The following KDM4A variants were observed in gnomAD, a reference collection of about 807,000 sequenced individuals.
The protein encoded by KDM4A is lysine demethylase 4A, also known as lysine-specific demethylase 4A.
In KDM4A, 23 loss-of-function variants were observed where a neutral mutation model predicts 127.1. That is an observed-to-expected ratio of 0.18 (90% CI 0.13 to 0.26). KDM4A has a LOEUF of 0.26. Among genes scored for constraint, KDM4A ranks in the 10% least tolerant of loss-of-function variants. The pLI is 1.00. For synonymous variants in KDM4A, 443 were observed against 466.5 expected (o/e 0.95, Z 0.65); for missense variants, 890 against 1,329.1 (o/e 0.67, Z 5.14).
At chr1:43,661,468 C>CG (rs1660375160) in intron 4 of KDM4A, among the ~76,000 whole-genome samples, 1 of 151,036 alleles carries the variant, frequency 6.6e-6, no homozygotes, top group Non-Finnish European at 1.5e-5. Flanking sequence ...AAGTAGCCTG[C>CG]AGTAGCGGGC....
chr1:43,654,359 C>A (rs1165421046), intron 2 of KDM4A, among the ~76,000 whole-genome samples: 3 of 152,230 alleles, frequency 2.0e-5, no homozygotes, highest in African/African-American at 7.2e-5. Flanking sequence ...TCTGCTCATA[C>A]AAACATACAC....
intron 8 of KDM4A, among the ~76,000 whole-genome samples, chr1:43,667,505 G>A (rs975852347): frequency 1.3e-5 from 2 of 152,186 alleles, no homozygotes; most frequent in Non-Finnish European, 2.9e-5. Flanking sequence ...GGGGGCCTAA[G>A]TGCAGAGCCT....
chr1:43,670,646 C>T (rs1570834952), intron 10 of KDM4A, among the ~76,000 whole-genome samples: 1 of 149,990 alleles, frequency 6.7e-6, no homozygotes, highest in Non-Finnish European at 1.5e-5. Context: ...TCACTGCAAC[C>T]TCCGCCTCCC....
intron 19 of KDM4A, among the ~76,000 whole-genome samples, chr1:43,700,330 T>C (rs1661356797): frequency 6.6e-6 from 1 of 151,650 alleles, no homozygotes; most frequent in African/African-American, 2.4e-5. Flanking sequence ...AGTTTTGCCT[T>C]GTTGCCCAGG....
intron 18 of KDM4A, among the ~76,000 whole-genome samples, chr1:43,695,605 A>G (rs1459494136): frequency 7.9e-5 from 12 of 152,202 alleles, no homozygotes; most frequent in Non-Finnish European, 5.9e-5. Flanking sequence ...TCTTCACTGG[A>G]TGAGAACTTG....
At chr1:43,656,988 G>A (rs1409396414) in intron 3 of KDM4A, among the ~76,000 whole-genome samples, 1 of 151,642 alleles carries the variant, frequency 6.6e-6, no homozygotes, top group African/African-American at 2.4e-5. Context: ...CTGCAGCCTC[G>A]ACTGCCCAGG....
intron 13 of KDM4A, 100 bp downstream of exon 13, chr1:43,689,195 AG>A: frequency 3.3e-6 from 4 of 1,215,802 alleles, no homozygotes; most frequent in Non-Finnish European, 4.7e-6. Context: ...GTCTTGGGAA[AG>A]GCCACCTCCA....
rs754841667 is a variant in KDM4A, at chr1:43,666,418, C to T, written c.674-34C>T. ...CCAGGATTGCGGAGCTAGTGTGGAG[C>T]ACTGTGTTAACCTGTACCCTTTCAA... On this transcript the variant is annotated intron_variant, in intron 6 of 21. Transcript: ENST00000372396. 4.5e-6 allele frequency: 7 copies of T among 1,545,254 alleles called. No individual in the cohort carries two copies. In the East Asian group the frequency reaches 1.6e-4, roughly 35 times the overall value.
At position 43,693,391 on chromosome 1, in the gene KDM4A, G is replaced by A. The variant is rs562121550; in HGVS notation, c.2376-603G>A. 6.0e-4 allele frequency among the ~76,000 whole-genome samples: 91 copies of A among 152,358 alleles called. 1 individual carries two copies. The highest frequency in any genetic ancestry group is 2.1e-3 in the African/African-American group (88 of 41,578). Reference sequence around the variant, plus strand: ...CCATTTTCGTTCTTCTCCTCTTGATGCATGCTGGTTTCCCAAAATGTCCAA... The same window carrying A: ...CCATTTTCGTTCTTCTCCTCTTGATACATGCTGGTTTCCCAAAATGTCCAA... On this transcript the variant is annotated intron_variant, in intron 16 of 21. Transcript: ENST00000372396. This position sits in a 1 kb window ranked among gnomAD's most constrained non-coding sequence, Gnocchi z 4.2.
At position 43,671,742 on chromosome 1, in the gene KDM4A, G is replaced by A. The variant is rs376335983; in HGVS notation, c.1601G>A (p.Arg534Gln). 19 of 1,613,786 alleles carry A rather than the reference G, an allele frequency of 1.2e-5. No homozygotes were observed. Among genetic ancestry groups the A allele is most frequent in the African/African-American group, 2.7e-5 (2 of 74,930 alleles). ...DSETSEPLSC[R>Q]AQGQTGVLTV... ...GAAACTAGTGAGCCTCTCTCCTGCC[G>A]AGCCCAAGGGCAAACGGGAGTTCTC... Residue 534 changes from arginine to glutamine, a missense_variant, in exon 11 of 22, where the codon CGA (arginine) becomes CAA (glutamine). Around this residue, in one of 7 missense-constraint regions of KDM4A, gnomAD observed 389 missense variants for 485.9 expected, o/e 0.80. Transcript: ENST00000372396.
At position 43,705,138 on chromosome 1, in the gene KDM4A, A is replaced by C. The variant is rs1242531763; in HGVS notation, c.*768A>C. Reference sequence around the variant, plus strand: ...CAGGGTGTGGGTGGGGATTACCCTGAATCGGGGATTTTAATGATGGAAGCA... The same window carrying C: ...CAGGGTGTGGGTGGGGATTACCCTGCATCGGGGATTTTAATGATGGAAGCA... On this transcript the variant is annotated 3_prime_UTR_variant, in exon 22 of 22. Coordinates refer to ENST00000372396, the MANE Select transcript of KDM4A (RefSeq NM_014663.3). 1.3e-5 allele frequency: 2 copies of C among 152,156 alleles called. No individual in the cohort carries two copies. The highest frequency in any genetic ancestry group is 6.5e-5 in the Admixed American group (1 of 15,276). 9.4% of individuals were successfully genotyped at this position (152,156 alleles called of 1,614,324 possible).
At chr1:43,683,943 G>C (rs1479998833) in intron 12 of KDM4A, 139 bp downstream of exon 12, 4 of 939,570 alleles carry the variant, frequency 4.3e-6, no homozygotes, top group Non-Finnish European at 6.3e-6. Context: ...CATAAAGAGA[G>C]GACCGGATTT....
intron 11 of KDM4A, among the ~76,000 whole-genome samples, chr1:43,681,258 T>C (rs577564202): frequency 2.0e-5 from 3 of 152,162 alleles, no homozygotes; most frequent in African/African-American, 7.2e-5. Context: ...CGTCCCCTTC[T>C]TCTCTTTCTG....
chr1:43,704,549 C>A lies in KDM4A; in HGVS notation c.*179C>A. On this transcript the variant is annotated 3_prime_UTR_variant, in exon 22 of 22. Coordinates refer to ENST00000372396, the MANE Select transcript of KDM4A (RefSeq NM_014663.3). The stretch of plus-strand genomic sequence containing the variant: ...ATTGCATTCCGCTGTAGTGAAAGGA[C>A]GAGCCATTTCTGGGCACGTGGCAGC... The A allele has an allele frequency of 1.5e-6, 1 of 670,326 alleles. No homozygotes were observed. The highest frequency in any genetic ancestry group is 2.0e-5 in the South Asian group (1 of 49,316). The allele number at this position is 670,326 out of a possible 1,614,324, so 41.5% of individuals were successfully genotyped here.
intron 12 of KDM4A, among the ~76,000 whole-genome samples, chr1:43,686,389 T>C (rs1423660878): frequency 6.9e-6 from 1 of 144,692 alleles, no homozygotes; most frequent in Admixed American, 7.3e-5. Flanking sequence ...CAGGCTGGAG[T>C]GCAGTGGCAT....
At chr1:43,692,186 C>T (rs1661133579) in intron 15 of KDM4A, 70 bp from the exon 16 acceptor site, 1 of 1,384,424 alleles carries the variant, frequency 7.2e-7, no homozygotes, top group East Asian at 2.3e-5. Context: ...AAAGCAGGTC[C>T]AGGGGAGAGC....
intron 19 of KDM4A, chr1:43,702,226 AG>A (rs1488877625): frequency 6.6e-6 from 1 of 152,244 alleles, no homozygotes; most frequent in African/African-American, 2.4e-5. Context: ...CCACATTTTC[AG>A]AAGTGCTGTT....
Position 43,704,682 on chromosome 1 carries a change from T to C in KDM4A, c.*312T>C. ...CTGGCTGGACTGGCTGCCTTGTTCC[T>C]GGCCTAGGACTTAGCTTCATAACTA... On this transcript the variant is annotated 3_prime_UTR_variant, in exon 22 of 22. Coordinates refer to ENST00000372396, the MANE Select transcript of KDM4A (RefSeq NM_014663.3). 2.7e-6 allele frequency: 1 copy of C among 365,060 alleles called. No individual in the cohort carries two copies. Among genetic ancestry groups the C allele is most frequent in the South Asian group, 3.2e-5 (1 of 31,054 alleles). The allele number at this position is 365,060 out of a possible 1,614,324, so 22.6% of individuals were successfully genotyped here.
At chr1:43,669,719 G>A (rs1342695354) in intron 10 of KDM4A, among the ~76,000 whole-genome samples, 1 of 151,776 alleles carries the variant, frequency 6.6e-6, no homozygotes, top group Non-Finnish European at 1.5e-5. Context: ...CGCAATCTTG[G>A]CTCACTGCAA....
Sources: allele counts gnomAD v4.1 joint callset (sites outside exome capture counted in the v4.1 genomes callset), GRCh38; gene constraint gnomAD v4.1.1; regional missense constraint gnomAD v4.1.1; non-coding constraint Gnocchi (gnomAD v3.1); transcripts MANE v1.5; gene names NCBI Gene and HGNC (gene_info 2026-07-23, HGNC 2026-07-21).